PRKD1: variants seen among roughly 807,000 people sequenced by gnomAD.
PRKD1 encodes protein kinase D1.
PRKD1 carries 63 observed loss-of-function variants against 95.9 expected under a neutral mutation model. The ratio of observed to expected loss-of-function variants is 0.66; its 90% CI spans 0.54 to 0.81. The LOEUF (loss-of-function observed/expected upper bound fraction) is 0.81, where lower values mean the gene tolerates loss of function less well. Ranked by LOEUF, PRKD1 falls within the 30% of genes least tolerant of loss-of-function variation. The pLI is 0.00. For synonymous variants in PRKD1, 425 were observed against 423.1 expected, an observed-to-expected ratio of 1.00 and a Z score of -0.05; for missense variants, 1,048 against 1,165.3, an observed-to-expected ratio of 0.90 and a Z score of 1.47.
At chr14:29,849,221 C>T (rs1009100927) in intron 1 of PRKD1, among the ~76,000 whole-genome samples, 7 of 152,144 alleles carry the variant, frequency 4.6e-5, no homozygotes, top group African/African-American at 7.2e-5. Context: ...TGGCACCTCC[C>T]TCCTCTTTCT....
rs750421913 is a variant in PRKD1, at chr14:29,663,776, C to G, written c.619G>C (p.Val207Leu). 6.2e-7 allele frequency: 1 copy of G among 1,614,002 alleles called. No homozygotes were observed. The highest frequency in any genetic ancestry group is 2.2e-5 in the East Asian group (1 of 44,868). ...ATGGTGCTGACCCCAGTGAGGGAAA[C>G]GTTTGAGAGCCTTCTCCGCCTCACA... Reference protein sequence around the residue: ...SGVRRRRLSNVSLTGVSTIRT... With the variant: ...SGVRRRRLSNLSLTGVSTIRT... The change falls in exon 4 of 18, where the codon GTT becomes CTT. Residue 207 changes from valine (V) to leucine (L), a missense_variant. Val to Leu is a conservative substitution (Grantham distance 32). Coordinates refer to ENST00000331968, the MANE Select transcript of PRKD1 (RefSeq NM_002742.3).
chr14:29,687,444 C>A (rs1264881958), intron 2 of PRKD1, among the ~76,000 whole-genome samples: 1 of 152,068 alleles, frequency 6.6e-6, no homozygotes, highest in East Asian at 1.9e-4. Context: ...CTAGGTATAC[C>A]AGAGACTCAA....
chr14:29,648,454 AC>A (rs1881276477), intron 4 of PRKD1, among the ~76,000 whole-genome samples: 1 of 152,184 alleles, frequency 6.6e-6, no homozygotes, highest in African/African-American at 2.4e-5. Flanking sequence ...GGAGAATTAG[AC>A]ATCTTTTAAC....
At chr14:29,578,389 G>A (rs1278485320) in intron 16 of PRKD1, 29 bp from the exon 17 acceptor site, 3 of 1,502,002 alleles carry the variant, frequency 2.0e-6, no homozygotes, top group East Asian at 2.3e-5. Context: ...AAAAATAGAT[G>A]ACAAATCTGT....
At chr14:29,778,537 G>A (rs147872977) in intron 1 of PRKD1, among the ~76,000 whole-genome samples, 3,081 of 152,222 alleles carry the variant, frequency 0.02, 107 homozygotes, top group Admixed American at 0.088. Context: ...AGAAAATCTA[G>A]AAGAAATAGA....
intron 1 of PRKD1, among the ~76,000 whole-genome samples, chr14:29,909,015 C>G (rs1894598870): frequency 6.6e-6 from 1 of 152,206 alleles, no homozygotes; most frequent in African/African-American, 2.4e-5. Flanking sequence ...CAAGCGGGAA[C>G]CAGGGCTGCG....
chr14:29,699,352 T>TAAAA, intron 2 of PRKD1, among the ~76,000 whole-genome samples: 1 of 152,218 alleles, frequency 6.6e-6, no homozygotes, highest in African/African-American at 2.4e-5. Context: ...AATTTTTGAC[T>TAAAA]GTCTGCTAGG....
chr14:29,763,102 C>G (rs1594494485), intron 1 of PRKD1, among the ~76,000 whole-genome samples: 2 of 66,808 alleles, frequency 3.0e-5, no homozygotes. Context: ...CTGGGCAACA[C>G]AGAAAAACCC....
intron 2 of PRKD1, among the ~76,000 whole-genome samples, chr14:29,679,022 T>C (rs1330576024): frequency 6.6e-6 from 1 of 152,194 alleles, no homozygotes; most frequent in African/African-American, 2.4e-5. Context: ...GGGCAATCAC[T>C]TTCTTGGACT....
At chr14:29,705,034 T>C (rs1885013276) in intron 2 of PRKD1, among the ~76,000 whole-genome samples, 1 of 152,042 alleles carries the variant, frequency 6.6e-6, no homozygotes, top group Admixed American at 6.6e-5. Flanking sequence ...GAGTGGAAAA[T>C]CTCTGCTTCA....
intron 4 of PRKD1, chr14:29,650,446 C>G (rs1357247736): frequency 2.0e-5 from 3 of 152,340 alleles, no homozygotes; most frequent in Non-Finnish European, 4.4e-5. Context: ...CCAAGTTTCC[C>G]AGGTCTCCTC....
intron 1 of PRKD1, among the ~76,000 whole-genome samples, chr14:29,916,336 T>C (rs1894886649): frequency 6.6e-6 from 1 of 152,218 alleles, no homozygotes; most frequent in South Asian, 2.1e-4. Flanking sequence ...AGCGTGGCCA[T>C]TTCTTCTGGC....
Position 29,597,475 on chromosome 14 carries a change from G to A in PRKD1, c.2434+16C>T. The A allele has an allele frequency of 2.6e-6, 4 of 1,554,704 alleles. No homozygotes were observed. The highest frequency in any genetic ancestry group is 3.5e-6 in the Non-Finnish European group (4 of 1,141,260). ...TAAGGATTAGATTATTATCATTTTT[G>A]AATGGAAGATATTACCTTCATGAGA... On this transcript the variant is annotated intron_variant, in intron 16 of 17. Transcript: ENST00000331968.
At chr14:29,719,083 T>C (rs1455568335) in intron 2 of PRKD1, among the ~76,000 whole-genome samples, 1 of 152,058 alleles carries the variant, frequency 6.6e-6, no homozygotes, top group Non-Finnish European at 1.5e-5. Context: ...CTTAATAAAA[T>C]GTTGTTACCA....
intron 1 of PRKD1, among the ~76,000 whole-genome samples, chr14:29,881,836 C>A (rs2139396590): frequency 6.6e-6 from 1 of 152,256 alleles, no homozygotes; most frequent in Non-Finnish European, 1.5e-5. Flanking sequence ...TCATCCTTTA[C>A]CTTTCCCTCC....
chr14:29,726,201 G>C (rs1309395616), intron 1 of PRKD1, among the ~76,000 whole-genome samples: 1 of 152,092 alleles, frequency 6.6e-6, no homozygotes, highest in African/African-American at 2.4e-5. Context: ...CCTTTGATCA[G>C]GAGATCAGGG....
chr14:29,927,534 G>A lies in PRKD1; in HGVS notation c.-22C>T. ...TCATCGCTCGGCGGGGCGCAGGGCC[G>A]GGCAGCGGAGGGCGGGGGCTGGCGG... is the stretch of plus-strand genomic sequence containing the variant. On this transcript the variant is annotated 5_prime_UTR_variant, in exon 1 of 18. Coordinates refer to ENST00000331968, the MANE Select transcript of PRKD1 (RefSeq NM_002742.3). 1 of 1,153,780 alleles carries A rather than the reference G, an allele frequency of 8.7e-7. No individual in the cohort carries two copies. Among genetic ancestry groups the A allele is most frequent in the Non-Finnish European group, 1.1e-6 (1 of 938,454 alleles). 71.5% of individuals were successfully genotyped at this position (1,153,780 alleles called of 1,614,324 possible).
At chr14:29,785,494 C>A (rs1889229541) in intron 1 of PRKD1, among the ~76,000 whole-genome samples, 1 of 152,082 alleles carries the variant, frequency 6.6e-6, no homozygotes. Flanking sequence ...TATATAAGAT[C>A]ACGTCATCTG....
intron 1 of PRKD1, among the ~76,000 whole-genome samples, chr14:29,895,207 C>A (rs1044354951): frequency 4.6e-5 from 7 of 152,110 alleles, no homozygotes; most frequent in Non-Finnish European, 7.4e-5. Context: ...ATCTCAGCTA[C>A]TCAAGAAGCT....
Sources: allele counts gnomAD v4.1 joint callset (sites outside exome capture counted in the v4.1 genomes callset), GRCh38; gene constraint gnomAD v4.1.1; transcripts MANE v1.5; gene names NCBI Gene and HGNC (gene_info 2026-07-23, HGNC 2026-07-21).